Variants in RFX6 observed in about 807,000 individuals in gnomAD.
RFX6 encodes the protein DNA-binding protein RFX6.
In RFX6, 50 loss-of-function variants were observed where a neutral mutation model predicts 110.8. That is an observed-to-expected ratio of 0.45 (90% CI 0.36 to 0.57). The LOEUF is 0.57. Among genes scored for constraint, RFX6 ranks in the 20% least tolerant of loss-of-function variants. The probability of loss-of-function intolerance (pLI) is 0.00; values close to 1 mark genes in which losing one functional copy is unlikely to be tolerated. For synonymous variants in RFX6, 383 were observed against 411.2 expected, an observed-to-expected ratio of 0.93 and a Z score of 0.83; for missense variants, 990 against 1,127.0, an observed-to-expected ratio of 0.88 and a Z score of 1.74.
intron 18 of RFX6, among the ~76,000 whole-genome samples, 162 bp from the exon 19 acceptor site, chr6:116,931,169 G>A (rs1053548222): frequency 1.3e-5 from 2 of 152,094 alleles, no homozygotes; most frequent in Non-Finnish European, 2.9e-5. Context: ...GGGAACAAAT[G>A]GAAGAAAAAA....
chr6:116,916,689 T>A (rs1309308178), intron 9 of RFX6, among the ~76,000 whole-genome samples: 1 of 152,130 alleles, frequency 6.6e-6, no homozygotes, highest in Admixed American at 6.6e-5. Context: ...TAGGCACCCT[T>A]ATGAGATTAA....
At chr6:116,893,697 T>C (rs1774878373) in intron 4 of RFX6, among the ~76,000 whole-genome samples, 1 of 152,222 alleles carries the variant, frequency 6.6e-6, no homozygotes, top group Admixed American at 6.5e-5. Context: ...CCTACATTTA[T>C]ACATTATTGG....
At position 116,931,514 on chromosome 6, in the gene RFX6, A is replaced by G. The variant is rs1775884806; in HGVS notation, c.*8A>G. 6.2e-7 allele frequency: 1 copy of G among 1,602,946 alleles called. No individual in the cohort carries two copies. Among genetic ancestry groups the G allele is most frequent in the Non-Finnish European group, 8.5e-7 (1 of 1,170,492 alleles). ...GCAGCTGGAGGCACTTAAACCACCAATGTGGGAGGGGGTGCTAAAACTTTA... is the reference window on the plus strand; with the variant it reads ...GCAGCTGGAGGCACTTAAACCACCAGTGTGGGAGGGGGTGCTAAAACTTTA... On this transcript the variant is annotated 3_prime_UTR_variant, in exon 19 of 19. Transcript: ENST00000332958.
intron 7 of RFX6, 65 bp from the exon 8 acceptor site, chr6:116,915,943 C>T: frequency 1.8e-6 from 2 of 1,116,122 alleles, no homozygotes; most frequent in South Asian, 2.5e-5. Flanking sequence ...CTGTGTTGAA[C>T]AAATTAACAA....
intron 9 of RFX6, 45 bp downstream of exon 9, chr6:116,916,359 A>G: frequency 9.1e-7 from 1 of 1,094,378 alleles, no homozygotes; most frequent in Non-Finnish European, 1.4e-6. Context: ...TTATTTCTTT[A>G]CGTAGCATTC....
intron 7 of RFX6, among the ~76,000 whole-genome samples, chr6:116,913,243 G>T (rs1017043679): frequency 1.3e-5 from 2 of 152,112 alleles, no homozygotes; most frequent in Non-Finnish European, 1.5e-5. Context: ...TGTGTTTTTA[G>T]TAGAGACGGG....
intron 6 of RFX6, among the ~76,000 whole-genome samples, chr6:116,907,562 A>G (rs1271132871): frequency 6.6e-6 from 1 of 152,228 alleles, no homozygotes; most frequent in African/African-American, 2.4e-5. Flanking sequence ...TTTATTTCCA[A>G]GTTCATCCCA....
chr6:116,893,401 G>A (rs1003219943), intron 4 of RFX6, among the ~76,000 whole-genome samples: 2 of 152,164 alleles, frequency 1.3e-5, no homozygotes, highest in Non-Finnish European at 2.9e-5. Flanking sequence ...ATTATCTACA[G>A]CACTGTTACT....
intron 4 of RFX6, among the ~76,000 whole-genome samples, chr6:116,892,381 C>T (rs1287593879): frequency 6.6e-6 from 1 of 152,170 alleles, no homozygotes; most frequent in Non-Finnish European, 1.5e-5. Context: ...AAAACCACAT[C>T]CCACTTCTGG....
intron 17 of RFX6, among the ~76,000 whole-genome samples, chr6:116,928,394 G>A (rs1775799993): frequency 6.6e-6 from 1 of 152,112 alleles, no homozygotes; most frequent in African/African-American, 2.4e-5. Flanking sequence ...TTTGTGACAG[G>A]CGATAGTGCT....
intron 18 of RFX6, 123 bp from the exon 19 acceptor site, chr6:116,931,201 CAGACTCA>C (rs1775876893): frequency 1.3e-6 from 1 of 756,712 alleles, no homozygotes; most frequent in South Asian, 1.4e-5. Flanking sequence ...GTAAACCATA[CAGACTCA>C]AATTTAGAAT....
chr6:116,877,498 G>A lies in RFX6; in HGVS notation c.223G>A (p.Glu75Lys), dbSNP rs201996097. The stretch of plus-strand genomic sequence containing the variant: ...GGAGCTGCCGGGGGCAGTGAAATCA[G>A]GTGAGTGCTCTGCCGCATCCGGAGC... ...DPELPGAVKS[E>K]MHLNNGNFSS... The change falls in exon 1 of 19, where the codon GAA becomes AAA. Residue 75 changes from glutamate (E) to lysine (K), a missense_variant and splice_region_variant. This residue lies in a region of RFX6 where 175 missense variants were observed against 162.3 expected (regional missense o/e 1.08). Coordinates refer to ENST00000332958, the MANE Select transcript of RFX6 (RefSeq NM_173560.4). 3.9e-6 allele frequency: 6 copies of A among 1,553,616 alleles called. No homozygotes were observed. In the South Asian group the frequency reaches 7.1e-5, roughly 18 times the overall value.
chr6:116,895,453 A>T (rs896486291), intron 6 of RFX6, among the ~76,000 whole-genome samples: 1 of 152,136 alleles, frequency 6.6e-6, no homozygotes, highest in Non-Finnish European at 1.5e-5. Flanking sequence ...ACCTAATATC[A>T]GATACTTACA....
intron 7 of RFX6, 149 bp from the exon 8 acceptor site, chr6:116,915,859 A>G (rs1775450472): frequency 1.5e-6 from 1 of 687,092 alleles, no homozygotes; most frequent in Non-Finnish European, 2.7e-6. Flanking sequence ...CCTTGAAATA[A>G]GAATTTTGCC....
chr6:116,911,553 C>T (rs997543801), intron 7 of RFX6, among the ~76,000 whole-genome samples: 2 of 152,076 alleles, frequency 1.3e-5, no homozygotes, highest in African/African-American at 4.8e-5. Flanking sequence ...AAGAAAGAAT[C>T]ATTTTCATTG....
intron 16 of RFX6, among the ~76,000 whole-genome samples, chr6:116,926,624 T>C (rs1462027712): frequency 2.6e-5 from 4 of 152,224 alleles, no homozygotes; most frequent in Admixed American, 2.6e-4. Flanking sequence ...ACATTTTGAA[T>C]TGACTGCTTT....
intron 9 of RFX6, among the ~76,000 whole-genome samples, 189 bp downstream of exon 9, chr6:116,916,503 A>C (rs1468420974): frequency 6.6e-6 from 1 of 152,150 alleles, no homozygotes; most frequent in Non-Finnish European, 1.5e-5. Context: ...ATTGAAGTTT[A>C]CATTAAGTAA....
At chr6:116,930,332 A>G (rs625821) in intron 18 of RFX6, among the ~76,000 whole-genome samples, 36,873 of 151,944 alleles carry the variant, frequency 0.24, 4,854 homozygotes, top group South Asian at 0.42. Context: ...CATATATGAG[A>G]GAAATACAGG....
rs747541375 is a variant in RFX6, at chr6:116,923,121, T to C, written c.1452T>C (p.Asn484=). ...TTTACTTTTAGACCAGCAAACAAAA[T>C]GGAAGGTCATTAAAGAAGAGAGCTC... The part of the protein sequence containing the change: ...EQRVIKTSKQ[N]GRSLKKRAQD... Residue 484 remains asparagine, a synonymous_variant, in exon 14 of 19, where the codon AAT becomes AAC. Coordinates refer to ENST00000332958, the MANE Select transcript of RFX6 (RefSeq NM_173560.4). The C allele has an allele frequency of 6.3e-7, 1 of 1,597,258 alleles. No homozygotes were observed. The highest frequency in any genetic ancestry group is 8.6e-7 in the Non-Finnish European group (1 of 1,164,758).
Sources: gnomAD v4.1 joint callset for allele counts (sites outside exome capture counted in the v4.1 genomes callset) on GRCh38, gnomAD v4.1.1 for gene constraint, gnomAD v4.1.1 regional missense constraint, MANE v1.5 for transcripts, NCBI Gene and HGNC (gene_info 2026-07-23, HGNC 2026-07-21) for gene names.